Variants in DCTN4 observed in about 807,000 individuals in gnomAD.
DCTN4 encodes dynactin 4 (p62).
DCTN4 carries 23 observed loss-of-function variants against 62.7 expected under a neutral mutation model. The observed-to-expected ratio is 0.37, with a 90% CI of 0.26 to 0.52. The LOEUF (loss-of-function observed/expected upper bound fraction) is 0.52. Ranked by LOEUF, DCTN4 falls within the 20% of genes least tolerant of loss-of-function variation. DCTN4 has a pLI of 0.92. For synonymous variants in DCTN4, 199 were observed against 202.1 expected (o/e 0.98, Z 0.13); for missense variants, 514 against 580.4 (o/e 0.89, Z 1.18).
chr5:150,740,225 A>G lies in DCTN4; in HGVS notation c.429+1889T>C, dbSNP rs189726986. ...CAAGACACTCAAACAAATCAGCAAG[A>G]AAAAAAACAAATAATCCCATTAAAA... On this transcript the variant is annotated intron_variant, in intron 4 of 12. Transcript: ENST00000447998. Among the ~76,000 whole-genome samples, 4 of 152,156 alleles carry G rather than the reference A, an allele frequency of 2.6e-5. No homozygotes were observed. In the East Asian group the frequency reaches 7.7e-4, roughly 29 times the overall value.
At chr5:150,722,591 G>A (rs138561827) in intron 9 of DCTN4, among the ~76,000 whole-genome samples, 1 of 152,178 alleles carries the variant, frequency 6.6e-6, no homozygotes, top group African/African-American at 2.4e-5. Flanking sequence ...TTTTTTTGAA[G>A]GATTATTCCC....
chr5:150,753,421 G>C, intron 3 of DCTN4, 58 bp downstream of exon 3: 2 of 1,476,354 alleles, frequency 1.4e-6, no homozygotes, highest in Non-Finnish European at 1.9e-6. Flanking sequence ...AATAATCTAT[G>C]GGCAATTATA....
chr5:150,758,491 C>T (rs1752944309), intron 1 of DCTN4: 1 of 998,168 alleles, frequency 1.0e-6, no homozygotes, highest in African/African-American at 1.7e-5. Context: ...CGCCTCCCTC[C>T]ATCCTCGCAA....
rs1759453962 is a variant in DCTN4 at position 150,708,551 on chromosome 5, A to G, written c.*2598T>C. 1 of 152,762 alleles carries G rather than the reference A, an allele frequency of 6.5e-6. No homozygotes were observed. Among genetic ancestry groups the G allele is most frequent in the African/African-American group, 2.4e-5 (1 of 41,592 alleles). 9.5% of individuals were successfully genotyped at this position (152,762 alleles called of 1,614,324 possible). A position where few individuals can be genotyped will look rare whatever the true frequency, so the allele number is the denominator to read the frequency against. On this transcript the variant is annotated 3_prime_UTR_variant, in exon 13 of 13. Transcript: ENST00000447998. ...ATATAATGGTTCTGTGAATATGTATATAAGAAGCTCAAAGCAACATCTACT... is the reference window on the plus strand; with the variant it reads ...ATATAATGGTTCTGTGAATATGTATGTAAGAAGCTCAAAGCAACATCTACT...
chr5:150,749,790 CA>C (rs1752608442), intron 3 of DCTN4, among the ~76,000 whole-genome samples: 1 of 152,138 alleles, frequency 6.6e-6, no homozygotes, highest in Admixed American at 6.5e-5. Context: ...GAGTTATAGG[CA>C]AATGTTCATA....
intron 4 of DCTN4, among the ~76,000 whole-genome samples, chr5:150,739,467 G>C (rs762116455): frequency 7.9e-5 from 12 of 152,208 alleles, no homozygotes; most frequent in Non-Finnish European, 1.5e-4. Flanking sequence ...CATGCTCATG[G>C]CTGGGTAGAA....
At chr5:150,713,236 A>G (rs920637387) in intron 12 of DCTN4, among the ~76,000 whole-genome samples, 1 of 152,168 alleles carries the variant, frequency 6.6e-6, no homozygotes, top group African/African-American at 2.4e-5. Context: ...CCAGGCAACC[A>G]CTGATACCTG....
chr5:150,740,624 C>T (rs1305113799), intron 4 of DCTN4, among the ~76,000 whole-genome samples: 2 of 152,168 alleles, frequency 1.3e-5, no homozygotes, highest in Non-Finnish European at 2.9e-5. Context: ...GCACAATTCA[C>T]AGCCGCAAAA....
At chr5:150,733,142 G>A (rs974985648) in intron 5 of DCTN4, among the ~76,000 whole-genome samples, 2 of 152,136 alleles carry the variant, frequency 1.3e-5, no homozygotes, top group African/African-American at 2.4e-5. Context: ...GAAGATAAAG[G>A]GGAGTGATGG....
intron 9 of DCTN4, among the ~76,000 whole-genome samples, chr5:150,720,381 AC>A (rs1374666194): frequency 1.3e-5 from 2 of 151,930 alleles, no homozygotes; most frequent in African/African-American, 4.8e-5. Context: ...CAAAAAAAAC[AC>A]ACACACACAC....
At chr5:150,712,107 A>G (rs1294275983) in intron 12 of DCTN4, among the ~76,000 whole-genome samples, 1 of 152,138 alleles carries the variant, frequency 6.6e-6, no homozygotes, top group Non-Finnish European at 1.5e-5. Flanking sequence ...TATAGAACAT[A>G]GACTCATACC....
chr5:150,725,033 C>T (rs1459058789), intron 8 of DCTN4, among the ~76,000 whole-genome samples: 1 of 151,732 alleles, frequency 6.6e-6, no homozygotes, highest in Non-Finnish European at 1.5e-5. Flanking sequence ...TGGCGGGCGC[C>T]TGTAGTCCCA....
intron 8 of DCTN4, among the ~76,000 whole-genome samples, chr5:150,726,053 T>TA (rs1017382127): frequency 9.4e-5 from 14 of 149,208 alleles, no homozygotes; most frequent in South Asian, 2.1e-4. Context: ...TAAGCAGAAT[T>TA]AAAAAAAAAA....
intron 12 of DCTN4, among the ~76,000 whole-genome samples, chr5:150,713,178 A>G (rs1209245572): frequency 6.6e-6 from 1 of 152,194 alleles, no homozygotes; most frequent in Non-Finnish European, 1.5e-5. Flanking sequence ...CAAACAGTTT[A>G]AAATGGTAAA....
intron 3 of DCTN4, among the ~76,000 whole-genome samples, chr5:150,746,306 A>G (rs1055157046): frequency 6.6e-6 from 1 of 151,650 alleles, no homozygotes; most frequent in Non-Finnish European, 1.5e-5. Flanking sequence ...ATAGCTTACC[A>G]ATCAAAAAAA....
At chr5:150,736,673 C>T (rs1401758030) in intron 4 of DCTN4, among the ~76,000 whole-genome samples, 4 of 151,962 alleles carry the variant, frequency 2.6e-5, no homozygotes, top group Admixed American at 2.6e-4. Context: ...GCATAAGTCT[C>T]ACAGGGCCTA....
Position 150,731,005 on chromosome 5 carries a change from T to C in DCTN4, c.724+39A>G, listed in dbSNP as rs761589223. The C allele has an allele frequency of 1.2e-5, 15 of 1,222,686 alleles. No individual in the cohort carries two copies. The African/African-American group carries it at 1.5e-4, about 12-fold the overall frequency. 75.7% of individuals were successfully genotyped at this position (1,222,686 alleles called of 1,614,324 possible). A position where few individuals can be genotyped will look rare whatever the true frequency, so the allele number is the denominator to read the frequency against. On this transcript the variant is annotated intron_variant, in intron 7 of 12. Coordinates refer to ENST00000447998, the MANE Select transcript of DCTN4 (RefSeq NM_016221.4). ...CATAAATAACAAAAACAGAATTAGA[T>C]GTAGACTAGAAACAAAGTAGAAAAA...
chr5:150,729,224 CTTCTTT>C (rs1482604602), intron 8 of DCTN4, among the ~76,000 whole-genome samples: 1 of 151,488 alleles, frequency 6.6e-6, no homozygotes, highest in Non-Finnish European at 1.5e-5. Flanking sequence ...TCCTTTGCCC[CTTCTTT>C]TTCTTTCTTT....
Position 150,715,557 on chromosome 5 carries a change from T to A in DCTN4, c.1169+8A>T. The A allele has an allele frequency of 6.2e-7, 1 of 1,611,718 alleles. No individual in the cohort carries two copies. The highest frequency in any genetic ancestry group is 8.5e-7 in the Non-Finnish European group (1 of 1,177,854). On this transcript the variant is annotated splice_region_variant and intron_variant, in intron 12 of 12. Transcript: ENST00000447998. Reference sequence around the variant, plus strand: ...TTGTTGTATGGGGATCACAAAAAGATCACTCACTCAGGATCGTCCTGAAAG... The same window carrying A: ...TTGTTGTATGGGGATCACAAAAAGAACACTCACTCAGGATCGTCCTGAAAG...
Sources: gnomAD v4.1 joint callset for allele counts (sites outside exome capture counted in the v4.1 genomes callset) on GRCh38, gnomAD v4.1.1 for gene constraint, MANE v1.5 for transcripts, NCBI Gene and HGNC (gene_info 2026-07-23, HGNC 2026-07-21) for gene names.